Variants in KCNIP4 observed in about 807,000 individuals in gnomAD.
KCNIP4 encodes the protein Kv channel-interacting protein 4.
KCNIP4 carries 12 observed loss-of-function variants against 34.0 expected under a neutral mutation model. The ratio of observed to expected loss-of-function variants is 0.35; its 90% CI spans 0.23 to 0.57. The LOEUF (loss-of-function observed/expected upper bound fraction) is 0.57, where lower values mean the gene tolerates loss of function less well. Among genes scored for constraint, KCNIP4 ranks in the 20% least tolerant of loss-of-function variants. The pLI is 0.83. For synonymous variants in KCNIP4, 124 were observed against 102.2 expected, an observed-to-expected ratio of 1.21 and a Z score of -1.29; for missense variants, 238 against 311.7, an observed-to-expected ratio of 0.76 and a Z score of 1.78.
At chr4:20,891,273 G>A (rs763930820) in intron 1 of KCNIP4, among the ~76,000 whole-genome samples, 3 of 152,088 alleles carry the variant, frequency 2.0e-5, no homozygotes, top group African/African-American at 4.8e-5. Context: ...GGCAAATAAT[G>A]TTTCTACAGA....
At chr4:21,373,245 C>T (rs866954562) in intron 1 of KCNIP4, among the ~76,000 whole-genome samples, 5 of 146,560 alleles carry the variant, frequency 3.4e-5, no homozygotes, top group South Asian at 2.1e-4. Context: ...ATCACTTGAG[C>T]CTGGGAGTTG....
intron 3 of KCNIP4, among the ~76,000 whole-genome samples, chr4:20,819,621 T>G (rs925986611): frequency 6.6e-6 from 1 of 152,162 alleles, no homozygotes; most frequent in East Asian, 1.9e-4. Context: ...CCTCCAAAAT[T>G]CATATGTTGG....
chr4:21,410,665 C>A (rs1312563523), intron 1 of KCNIP4, among the ~76,000 whole-genome samples: 1 of 152,158 alleles, frequency 6.6e-6, no homozygotes, highest in East Asian at 1.9e-4. Context: ...CAACACCAAG[C>A]TAGAACCTCC....
At chr4:21,729,603 T>C (rs1252079280) in intron 1 of KCNIP4, among the ~76,000 whole-genome samples, 10 of 152,182 alleles carry the variant, frequency 6.6e-5, no homozygotes, top group Admixed American at 5.9e-4. Context: ...GTAATACTTC[T>C]GTGAATGAAA....
chr4:21,341,976 T>C (rs1716804608), intron 1 of KCNIP4, among the ~76,000 whole-genome samples: 1 of 152,180 alleles, frequency 6.6e-6, no homozygotes, highest in African/African-American at 2.4e-5. Context: ...ATTAATCACA[T>C]TCTTTTCTTT....
intron 1 of KCNIP4, among the ~76,000 whole-genome samples, chr4:21,809,426 T>G (rs1021869163): frequency 6.6e-6 from 1 of 152,218 alleles, no homozygotes; most frequent in Non-Finnish European, 1.5e-5. Context: ...AGCTTGCAGA[T>G]GGCAGACTGT....
chr4:21,243,726 A>G (rs1760008792), intron 1 of KCNIP4, among the ~76,000 whole-genome samples: 1 of 152,212 alleles, frequency 6.6e-6, no homozygotes, highest in Non-Finnish European at 1.5e-5. Flanking sequence ...TGGCTCTTCC[A>G]TAGCTAGTGA....
intron 3 of KCNIP4, among the ~76,000 whole-genome samples, chr4:20,833,742 A>G (rs56413951): frequency 0.38 from 57,823 of 152,016 alleles, 11,738 homozygotes; most frequent in African/African-American, 0.52. Context: ...CACACAGTGC[A>G]GTTAATACAC....
At chr4:21,388,068 T>A (rs1221200822) in intron 1 of KCNIP4, among the ~76,000 whole-genome samples, 1 of 84,098 alleles carries the variant, frequency 1.2e-5, no homozygotes, top group Non-Finnish European at 2.8e-5. Flanking sequence ...GAGGGCTGCT[T>A]TGAGCCTGAG....
intron 1 of KCNIP4, among the ~76,000 whole-genome samples, chr4:21,261,574 A>G (rs191401650): frequency 8.1e-4 from 123 of 152,248 alleles, no homozygotes; most frequent in African/African-American, 2.6e-3. Flanking sequence ...CATTATCCCA[A>G]TTTGACTTGT....
intron 1 of KCNIP4, among the ~76,000 whole-genome samples, chr4:21,354,148 G>A (rs888008506): frequency 2.0e-5 from 3 of 152,270 alleles, no homozygotes; most frequent in Admixed American, 6.5e-5. Context: ...CCTGAAGGAA[G>A]CAATAAACAG....
intron 1 of KCNIP4, among the ~76,000 whole-genome samples, chr4:21,806,118 G>A (rs1410553207): frequency 2.6e-5 from 4 of 152,144 alleles, no homozygotes; most frequent in African/African-American, 9.7e-5. Context: ...ATGCTTAAAT[G>A]TTACCAAAAC....
chr4:20,769,296 AGTTG>A (rs1489298602), intron 3 of KCNIP4, among the ~76,000 whole-genome samples: 1 of 152,196 alleles, frequency 6.6e-6, no homozygotes, highest in East Asian at 1.9e-4. Context: ...AAGTAACTTA[AGTTG>A]GTTCTGCAAA....
At chr4:21,109,554 C>T (rs1031779730) in intron 1 of KCNIP4, among the ~76,000 whole-genome samples, 3 of 152,214 alleles carry the variant, frequency 2.0e-5, no homozygotes, top group East Asian at 1.9e-4. Context: ...TTGCGCTTCC[C>T]GAGTGAGGCA....
intron 1 of KCNIP4, among the ~76,000 whole-genome samples, chr4:21,451,084 C>A (rs547176634): frequency 6.6e-6 from 1 of 152,052 alleles, no homozygotes; most frequent in East Asian, 1.9e-4. Flanking sequence ...TTGAGAACAA[C>A]AAAAAAATTG....
intron 1 of KCNIP4, among the ~76,000 whole-genome samples, chr4:21,463,819 C>T (rs1311802008): frequency 3.3e-5 from 5 of 151,960 alleles, no homozygotes; most frequent in African/African-American, 4.8e-5. Context: ...TCGAATTCAC[C>T]AGCAAAGCCA....
intron 1 of KCNIP4, chr4:21,850,644 C>T (rs2109335328): frequency 6.6e-6 from 1 of 152,086 alleles, no homozygotes; most frequent in East Asian, 1.9e-4. Flanking sequence ...TTGTTATGAA[C>T]CACAGAAAAC....
intron 1 of KCNIP4, chr4:21,847,779 C>T (rs1724117248): frequency 6.6e-6 from 1 of 152,020 alleles, no homozygotes; most frequent in South Asian, 2.1e-4. Context: ...TCTTTTCTGA[C>T]ACTACATTTA....
At chr4:20,772,387 T>C (rs1483932727) in intron 3 of KCNIP4, among the ~76,000 whole-genome samples, 1 of 152,184 alleles carries the variant, frequency 6.6e-6, no homozygotes, top group Non-Finnish European at 1.5e-5. Flanking sequence ...CCAAAGGAGC[T>C]TACTACGGAG....
Sources: gnomAD v4.1 joint callset for allele counts (sites outside exome capture counted in the v4.1 genomes callset) on GRCh38, gnomAD v4.1.1 for gene constraint, MANE v1.5 for transcripts, NCBI Gene and HGNC (gene_info 2026-07-23, HGNC 2026-07-21) for gene names.